Variants in PHF20 observed in about 807,000 individuals in gnomAD.
The protein encoded by PHF20 is glioma-expressed antigen 2.
In PHF20, 23 loss-of-function variants were observed where a neutral mutation model predicts 113.5. That is an observed-to-expected ratio of 0.20 (90% CI 0.15 to 0.29). PHF20 has a LOEUF of 0.29. Ranked by LOEUF, PHF20 falls within the 10% of genes least tolerant of loss-of-function variation. PHF20 has a pLI of 1.00. For missense variants in PHF20, 943 were observed against 1,219.6 expected, an observed-to-expected ratio of 0.77 and a Z score of 3.38; for synonymous variants, 434 against 457.3, an observed-to-expected ratio of 0.95 and a Z score of 0.65.
At chr20:35,916,617 C>T (rs1006747230) in intron 12 of PHF20, among the ~76,000 whole-genome samples, 1 of 151,906 alleles carries the variant, frequency 6.6e-6, no homozygotes, top group Non-Finnish European at 1.5e-5. Flanking sequence ...CAGGCGCACA[C>T]CACCACACCT....
intron 2 of PHF20, among the ~76,000 whole-genome samples, chr20:35,816,751 C>CATAAGTGTTGTTGTT: frequency 6.6e-6 from 1 of 151,504 alleles, no homozygotes; most frequent in East Asian, 1.9e-4. Context: ...TGCGCCCGGC[C>CATAAGTGTTGTTGTT]GATTTATGTC....
At chr20:35,879,747 G>A (rs1600866581) in intron 9 of PHF20, among the ~76,000 whole-genome samples, 1 of 133,736 alleles carries the variant, frequency 7.5e-6, no homozygotes. Context: ...ACCTCTTCAA[G>A]ACCAGCCTGG....
chr20:35,857,711 G>A (rs1027119049), intron 4 of PHF20, among the ~76,000 whole-genome samples: 9 of 151,344 alleles, frequency 5.9e-5, no homozygotes, highest in African/African-American at 1.9e-4. Flanking sequence ...TCAGCCTCCC[G>A]AGTAGCTGGG....
rs192730022 is a variant in PHF20, at chr20:35,925,089, T to G, written c.2005-2691T>G. On this transcript the variant is annotated intron_variant, in intron 13 of 17. Transcript: ENST00000374012. ...TCTCTCTTTCAGCGATTCATCTGTC[T>G]GTATATTTGCTCGTACAATTCTATT... Among the ~76,000 whole-genome samples, 646 of 152,264 alleles carry G rather than the reference T, an allele frequency of 4.2e-3. 10 individuals are homozygous for G. Among genetic ancestry groups the G allele is most frequent in the African/African-American group, 0.015 (614 of 41,556 alleles).
At chr20:35,946,437 AAAAT>A (rs751650845) in intron 17 of PHF20, among the ~76,000 whole-genome samples, 1 of 152,156 alleles carries the variant, frequency 6.6e-6, no homozygotes. Flanking sequence ...CCATCTCAAA[AAAAT>A]AAATAAATAA....
chr20:35,931,683 T>G (rs1005574067), intron 15 of PHF20, among the ~76,000 whole-genome samples: 14 of 152,044 alleles, frequency 9.2e-5, no homozygotes, highest in African/African-American at 3.4e-4. Flanking sequence ...CCGGGCATGG[T>G]GGCTCATGCC....
intron 14 of PHF20, among the ~76,000 whole-genome samples, chr20:35,929,490 A>G (rs1307292498): frequency 6.6e-6 from 1 of 152,284 alleles, no homozygotes; most frequent in African/African-American, 2.4e-5. Flanking sequence ...ACAGGCGATG[A>G]GAACCAGTTG....
intron 9 of PHF20, among the ~76,000 whole-genome samples, chr20:35,897,386 G>T (rs553916334): frequency 1.9e-4 from 29 of 151,952 alleles, no homozygotes; most frequent in Non-Finnish European, 1.2e-4. Context: ...GATGTATAAT[G>T]ATTAAATCAG....
chr20:35,847,247 TTTC>T (rs1288278308), intron 3 of PHF20, 100 bp from the exon 4 acceptor site: 2 of 710,136 alleles, frequency 2.8e-6, no homozygotes, highest in Non-Finnish European at 4.6e-6. Context: ...CCCTTCACAC[TTTC>T]TTATCAATCC....
chr20:35,892,875 C>T (rs2054902280), intron 9 of PHF20, among the ~76,000 whole-genome samples: 1 of 152,194 alleles, frequency 6.6e-6, no homozygotes, highest in African/African-American at 2.4e-5. Context: ...AATCTTACTT[C>T]CTGAGTTTCC....
In PHF20 at chr20:35,950,233, T is replaced by C. The variant is rs2056155970; in HGVS notation, c.*2606T>C. 1 of 152,670 alleles carries C rather than the reference T, an allele frequency of 6.6e-6. No individual in the cohort carries two copies. The highest frequency in any genetic ancestry group is 2.4e-5 in the African/African-American group (1 of 41,476). The allele number at this position is 152,670 out of a possible 1,614,324, so 9.5% of individuals were successfully genotyped here. A position where few individuals can be genotyped will look rare whatever the true frequency, so the allele number is the denominator to read the frequency against. On this transcript the variant is annotated 3_prime_UTR_variant, in exon 18 of 18. Transcript: ENST00000374012. ...GATCCTTGATGAGCCAACATTGCACTGTGGATACATATCTATGTTTACGCG... is the reference window on the plus strand; with the variant it reads ...GATCCTTGATGAGCCAACATTGCACCGTGGATACATATCTATGTTTACGCG...
At chr20:35,873,469 T>TG (rs1400636119) in intron 9 of PHF20, among the ~76,000 whole-genome samples, 2 of 142,164 alleles carry the variant, frequency 1.4e-5, no homozygotes, top group Non-Finnish European at 3.0e-5. Flanking sequence ...TTTTTTTGTT[T>TG]TTTTTTTTTT....
intron 1 of PHF20, among the ~76,000 whole-genome samples, chr20:35,793,551 C>T (rs1263570056): frequency 4.6e-5 from 7 of 150,682 alleles, no homozygotes; most frequent in Admixed American, 6.7e-5. Flanking sequence ...CCACCTGCCT[C>T]GGCCTCCCAA....
chr20:35,823,672 A>T (rs2042214658), intron 2 of PHF20, among the ~76,000 whole-genome samples: 1 of 151,656 alleles, frequency 6.6e-6, no homozygotes, highest in South Asian at 2.1e-4. Context: ...AGAAAGAAAA[A>T]AAAAGATATA....
At chr20:35,866,348 A>G (rs1190506068) in intron 6 of PHF20, among the ~76,000 whole-genome samples, 1 of 152,234 alleles carries the variant, frequency 6.6e-6, no homozygotes, top group Non-Finnish European at 1.5e-5. Context: ...TACCCAAGGC[A>G]TCCTTGATCT....
In PHF20 at chr20:35,878,529, C is replaced by T. The variant is rs1410972452; in HGVS notation, c.1282+6700C>T. The stretch of plus-strand genomic sequence containing the variant: ...CAGGGATCCAAACTTATTCAAAAAG[C>T]TAAAGAGGCACCATTCGTACTTGTT... On this transcript the variant is annotated intron_variant, in intron 9 of 17. Transcript: ENST00000374012. The T allele has an allele frequency of 6.1e-6, 4 of 657,064 alleles. No individual in the cohort carries two copies. The South Asian group carries it at 7.4e-5, about 12-fold the overall frequency. The allele number at this position is 657,064 out of a possible 1,614,324, so 40.7% of individuals were successfully genotyped here.
At chr20:35,800,474 A>G (rs2041758517) in intron 1 of PHF20, among the ~76,000 whole-genome samples, 1 of 152,172 alleles carries the variant, frequency 6.6e-6, no homozygotes, top group Non-Finnish European at 1.5e-5. Flanking sequence ...CATAGATCAA[A>G]GAAAGTATAA....
At chr20:35,835,929 C>A (rs1600804330) in intron 2 of PHF20, among the ~76,000 whole-genome samples, 2 of 151,752 alleles carry the variant, frequency 1.3e-5, no homozygotes, top group Non-Finnish European at 1.5e-5. Flanking sequence ...GACTTCATCT[C>A]AAAAAAACAA....
chr20:35,939,353 C>T (rs760098678), intron 16 of PHF20, among the ~76,000 whole-genome samples: 5 of 151,252 alleles, frequency 3.3e-5, no homozygotes, highest in South Asian at 2.1e-4. Flanking sequence ...GGGTGGGGGG[C>T]GCGGGTGCAG....
Sources: allele counts gnomAD v4.1 joint callset (sites outside exome capture counted in the v4.1 genomes callset), GRCh38; gene constraint gnomAD v4.1.1; transcripts MANE v1.5; gene names NCBI Gene and HGNC (gene_info 2026-07-23, HGNC 2026-07-21).